HPCAL1: variants seen among roughly 807,000 people sequenced by gnomAD.
HPCAL1 encodes the protein hippocalcin like 1, also known as hippocalcin-like protein 1.
In HPCAL1, 8 loss-of-function variants were observed where a neutral mutation model predicts 17.1. That is an observed-to-expected ratio of 0.47 (90% CI 0.27 to 0.84). The LOEUF is 0.84. Among genes scored for constraint, HPCAL1 ranks in the 40% least tolerant of loss-of-function variants. The pLI is 0.13. For missense variants in HPCAL1, 165 were observed against 271.1 expected, an observed-to-expected ratio of 0.61 and a Z score of 2.75; for synonymous variants, 112 against 111.4, an observed-to-expected ratio of 1.01 and a Z score of -0.03.
At chr2:10,415,125 C>T (rs928644299) in intron 2 of HPCAL1, among the ~76,000 whole-genome samples, 14 of 152,318 alleles carry the variant, frequency 9.2e-5, no homozygotes, top group African/African-American at 2.6e-4. Flanking sequence ...AGGGACATAG[C>T]GCAGAGTGGG....
intron 2 of HPCAL1, among the ~76,000 whole-genome samples, chr2:10,402,518 G>A (rs1669684195): frequency 6.6e-6 from 1 of 152,188 alleles, no homozygotes; most frequent in Admixed American, 6.5e-5. Flanking sequence ...AGGCCTGGGT[G>A]ATCATGGATA....
rs535828212 is a variant in HPCAL1 at position 10,340,819 on chromosome 2, C to A, written c.-111+37642C>A. 5.3e-4 allele frequency among the ~76,000 whole-genome samples: 80 copies of A among 152,314 alleles called. 2 individuals carry two copies. The South Asian group carries it at 0.014, about 27-fold the overall frequency. On this transcript the variant is annotated intron_variant, in intron 1 of 4. Transcript: ENST00000307845. The stretch of plus-strand genomic sequence containing the variant: ...CCAGCCCACGCCTGGGGCCTGTCCT[C>A]CCCTGTTCCTGAATCCCTGTCCTGT...
rs187752361 is a variant in HPCAL1 at position 10,395,901 on chromosome 2, T to A, written c.-110-934T>A. ...AGACAGCCTTTAGCAAGGAGCCTGG[T>A]TGTATAGAGCTGTCGGCCTCAACAC... On this transcript the variant is annotated intron_variant, in intron 1 of 4. Coordinates refer to ENST00000307845, the MANE Select transcript of HPCAL1 (RefSeq NM_002149.4). The surrounding 1 kb of genome is among the most constrained non-coding windows in gnomAD (Gnocchi z 4.4). Among the ~76,000 whole-genome samples, 4 of 152,246 alleles carry A rather than the reference T, an allele frequency of 2.6e-5. No individual in the cohort carries two copies. The highest frequency in any genetic ancestry group is 2.6e-4 in the Admixed American group (4 of 15,300).
Position 10,343,750 on chromosome 2 carries a change from G to C in HPCAL1, c.-111+40573G>C, listed in dbSNP as rs1665236066. On this transcript the variant is annotated intron_variant, in intron 1 of 4. Coordinates refer to ENST00000307845, the MANE Select transcript of HPCAL1 (RefSeq NM_002149.4). The surrounding 1 kb of genome is among the most constrained non-coding windows in gnomAD (Gnocchi z 4.8). ...CGAAGGGACTTTTAGATCAGTGGCAGATGGCATAGAAAGTCTTTCTGCTGT... is the reference window on the plus strand; with the variant it reads ...CGAAGGGACTTTTAGATCAGTGGCACATGGCATAGAAAGTCTTTCTGCTGT... 6.6e-6 allele frequency among the ~76,000 whole-genome samples: 1 copy of C among 152,246 alleles called. No homozygotes were observed. Among genetic ancestry groups the C allele is most frequent in the African/African-American group, 2.4e-5 (1 of 41,470 alleles).
At chr2:10,409,226 T>G (rs2125608349) in intron 2 of HPCAL1, among the ~76,000 whole-genome samples, 1 of 152,146 alleles carries the variant, frequency 6.6e-6, no homozygotes, top group Middle Eastern at 3.4e-3. Flanking sequence ...AGCCCTAGCT[T>G]ATAGGTGGAG....
At position 10,322,432 on chromosome 2, in the gene HPCAL1, G is replaced by C. The variant is rs77605498; in HGVS notation, c.-111+19255G>C. On this transcript the variant is annotated intron_variant, in intron 1 of 4. Transcript: ENST00000307845. Reference sequence around the variant, plus strand: ...ACACGAAAACCCCAGCAGGACAGCAGGTGCAAGGGAACAGCAAGTGCAAGG... The same window carrying C: ...ACACGAAAACCCCAGCAGGACAGCACGTGCAAGGGAACAGCAAGTGCAAGG... Among the ~76,000 whole-genome samples the C allele has an allele frequency of 1.1e-4, 16 of 152,328 alleles. No homozygotes were observed. The East Asian group carries it at 3.1e-3, about 29-fold the overall frequency.
intron 1 of HPCAL1, among the ~76,000 whole-genome samples, chr2:10,316,944 T>A (rs1663353447): frequency 6.6e-6 from 1 of 152,164 alleles, no homozygotes; most frequent in Admixed American, 6.5e-5. Flanking sequence ...TTAAAAAAAA[T>A]TCGTATGGCT....
Position 10,420,027 on chromosome 2 carries a change from C to A in HPCAL1, c.270C>A (p.Ser90Arg), listed in dbSNP as rs761311148. ...TCCGGGAGTTCATCATTGCGCTGAG[C>A]GTGACCTCGCGGGGCAAGCTGGAGC... The part of the protein sequence containing the change: ...IDFREFIIAL[S>R]VTSRGKLEQK... The change falls in exon 3 of 5, where the codon AGC becomes AGA. Residue 90 changes from serine to arginine, a missense_variant. Transcript: ENST00000307845. 28 of 1,613,990 alleles carry A rather than the reference C, an allele frequency of 1.7e-5. No homozygotes were observed. Among genetic ancestry groups the A allele is most frequent in the Non-Finnish European group, 1.4e-5 (17 of 1,180,030 alleles).
Position 10,394,154 on chromosome 2 carries a change from C to A in HPCAL1, c.-110-2681C>A, listed in dbSNP as rs1668866906. On this transcript the variant is annotated intron_variant, in intron 1 of 4. Transcript: ENST00000307845. This position sits in a 1 kb window ranked among gnomAD's most constrained non-coding sequence, Gnocchi z 5.0. ...AACAAAAAAAAAACCTTGTAACTAA[C>A]CAGAGCAGCTGAAAAGAACAGAGCA... Among the ~76,000 whole-genome samples the A allele has an allele frequency of 6.6e-6, 1 of 151,932 alleles. No individual in the cohort carries two copies. Among genetic ancestry groups the A allele is most frequent in the East Asian group, 1.9e-4 (1 of 5,170 alleles).
At position 10,384,525 on chromosome 2, in the gene HPCAL1, A is replaced by G. The variant is rs1668185159; in HGVS notation, c.-110-12310A>G. Among the ~76,000 whole-genome samples, 1 of 151,472 alleles carries G rather than the reference A, an allele frequency of 6.6e-6. No homozygotes were observed. Among genetic ancestry groups the G allele is most frequent in the South Asian group, 2.1e-4 (1 of 4,820 alleles). ...GCACTGGGGCAAGGCCCCCTCCCCC[A>G]TGGGGCTACAGATGCTAATCTGCAA... On this transcript the variant is annotated intron_variant, in intron 1 of 4. Coordinates refer to ENST00000307845, the MANE Select transcript of HPCAL1 (RefSeq NM_002149.4). This position sits in a 1 kb window ranked among gnomAD's most constrained non-coding sequence, Gnocchi z 4.4.
At chr2:10,398,411 A>G (rs933451671) in intron 2 of HPCAL1, among the ~76,000 whole-genome samples, 8 of 152,258 alleles carry the variant, frequency 5.3e-5, no homozygotes, top group Non-Finnish European at 1.2e-4. Flanking sequence ...CCACCTTTGA[A>G]TACTCAGCCA....
At chr2:10,407,800 T>C in intron 2 of HPCAL1, among the ~76,000 whole-genome samples, 1 of 152,222 alleles carries the variant, frequency 6.6e-6, no homozygotes, top group East Asian at 1.9e-4. Flanking sequence ...GCAGCTTCTC[T>C]GACTGGGACA....
At chr2:10,306,049 G>T (rs1662602908) in intron 1 of HPCAL1, among the ~76,000 whole-genome samples, 1 of 152,058 alleles carries the variant, frequency 6.6e-6, no homozygotes, top group Admixed American at 6.5e-5. Flanking sequence ...GACCCTTTTT[G>T]CTACTCATAA....
chr2:10,366,827 G>A (rs1309098614), intron 1 of HPCAL1, among the ~76,000 whole-genome samples: 3 of 152,206 alleles, frequency 2.0e-5, no homozygotes, highest in Non-Finnish European at 4.4e-5. Flanking sequence ...TCCCACCACA[G>A]CACGGTGAAG....
chr2:10,404,361 G>T (rs1026347103), intron 2 of HPCAL1, among the ~76,000 whole-genome samples: 1 of 152,188 alleles, frequency 6.6e-6, no homozygotes, highest in African/African-American at 2.4e-5. Flanking sequence ...CCCCGTCTTT[G>T]CTGGGTGAGT....
chr2:10,322,361 A>T (rs1485701222), intron 1 of HPCAL1, among the ~76,000 whole-genome samples: 5 of 152,294 alleles, frequency 3.3e-5, no homozygotes, highest in African/African-American at 1.2e-4. Context: ...GTCTCATGAG[A>T]AGGTGACATC....
At position 10,362,204 on chromosome 2, in the gene HPCAL1, T is replaced by C. The variant is rs555345442; in HGVS notation, c.-110-34631T>C. Among the ~76,000 whole-genome samples, 11 of 152,264 alleles carry C rather than the reference T, an allele frequency of 7.2e-5. No individual in the cohort carries two copies. The highest frequency in any genetic ancestry group is 2.6e-4 in the African/African-American group (11 of 41,542). ...CCAGTTTGCTCTGCCAGCGAGTCAATTGAGCATTTGGAGCATTTGCTGTGT... is the reference window on the plus strand; with the variant it reads ...CCAGTTTGCTCTGCCAGCGAGTCAACTGAGCATTTGGAGCATTTGCTGTGT... On this transcript the variant is annotated intron_variant, in intron 1 of 4. Coordinates refer to ENST00000307845, the MANE Select transcript of HPCAL1 (RefSeq NM_002149.4). The surrounding 1 kb of genome is among the most constrained non-coding windows in gnomAD (Gnocchi z 5.0).
At chr2:10,336,522 G>A (rs970567842) in intron 1 of HPCAL1, among the ~76,000 whole-genome samples, 16 of 152,128 alleles carry the variant, frequency 1.1e-4, no homozygotes, top group Non-Finnish European at 8.8e-5. Context: ...ACTGTGTGTC[G>A]GTCAGCTGGG....
chr2:10,359,937 G>A lies in HPCAL1; in HGVS notation c.-110-36898G>A, dbSNP rs368624436. ...AGCGCCCGCCGGGTCCACAGCGCCCGCCGGGTCCACAGCGCCCACCAGGTT... is the reference window on the plus strand; with the variant it reads ...AGCGCCCGCCGGGTCCACAGCGCCCACCGGGTCCACAGCGCCCACCAGGTT... On this transcript the variant is annotated intron_variant, in intron 1 of 4. Coordinates refer to ENST00000307845, the MANE Select transcript of HPCAL1 (RefSeq NM_002149.4). The surrounding 1 kb of genome is among the most constrained non-coding windows in gnomAD (Gnocchi z 4.1). Among the ~76,000 whole-genome samples, 7 of 149,996 alleles carry A rather than the reference G, an allele frequency of 4.7e-5. No individual in the cohort carries two copies. The highest frequency in any genetic ancestry group is 1.9e-4 in the East Asian group (1 of 5,166).
Sources: allele counts gnomAD v4.1 joint callset (sites outside exome capture counted in the v4.1 genomes callset), GRCh38; gene constraint gnomAD v4.1.1; non-coding constraint Gnocchi (gnomAD v3.1); transcripts MANE v1.5; gene names NCBI Gene and HGNC (gene_info 2026-07-23, HGNC 2026-07-21).